Variants in LPA observed in about 807,000 individuals in gnomAD.
The protein encoded by LPA is lipoprotein(a).
A neutral mutation model predicts 197.9 loss-of-function variants in LPA; 199 were observed. The observed-to-expected ratio is 1.01, with a 90% CI of 0.90 to 1.13. The LOEUF (loss-of-function observed/expected upper bound fraction) is 1.13, where lower values mean the gene tolerates loss of function less well. Ranked by LOEUF, LPA falls within the 50% of genes most tolerant of loss-of-function variation. LPA has a pLI of 0.00. For synonymous variants in LPA, 715 were observed against 639.5 expected (o/e 1.12, Z -1.78); for missense variants, 1,853 against 1,785.8 (o/e 1.04, Z -0.68).
intron 30 of LPA, among the ~76,000 whole-genome samples, chr6:160,551,024 A>T (rs1297951847): frequency 6.6e-6 from 1 of 152,194 alleles, no homozygotes; most frequent in Non-Finnish European, 1.5e-5. Context: ...TCGTGGACTT[A>T]TGTTTCCATT....
intron 32 of LPA, among the ~76,000 whole-genome samples, chr6:160,545,865 T>C (rs1054850919): frequency 2.6e-5 from 4 of 152,010 alleles, no homozygotes; most frequent in African/African-American, 9.7e-5. Flanking sequence ...TTGATGAGCT[T>C]TGTCCCTGGG....
chr6:160,647,905 G>T (rs1051679887), intron 2 of LPA, among the ~76,000 whole-genome samples: 1 of 152,168 alleles, frequency 6.6e-6, no homozygotes, highest in Non-Finnish European at 1.5e-5. Context: ...TTTGCCAATT[G>T]CTAGGTTCTT....
chr6:160,566,273 TC>T (rs1465791899), intron 28 of LPA, among the ~76,000 whole-genome samples: 2 of 151,944 alleles, frequency 1.3e-5, no homozygotes, highest in Non-Finnish European at 2.9e-5. Flanking sequence ...GGGAAGCCCA[TC>T]AGACTAACAG....
chr6:160,634,668 G>T (rs1402461324), intron 7 of LPA, among the ~76,000 whole-genome samples: 1 of 151,572 alleles, frequency 6.6e-6, no homozygotes, highest in African/African-American at 2.4e-5. Flanking sequence ...GGACCATATG[G>T]AATTAATGCA....
chr6:160,576,403 T>TATATAC (rs1562328028), intron 28 of LPA, among the ~76,000 whole-genome samples: 2 of 57,552 alleles, frequency 3.5e-5, no homozygotes, highest in African/African-American at 2.2e-4. Context: ...TATATATATA[T>TATATAC]ATATATATAT....
intron 28 of LPA, among the ~76,000 whole-genome samples, chr6:160,576,366 A>ATATATATATATATATATGTATG (rs1491526570): frequency 8.4e-5 from 2 of 23,892 alleles, no homozygotes; most frequent in African/African-American, 1.7e-4. Context: ...ATATATATAT[A>ATATATATATATATATATGTATG]CATATATATA....
intron 1 of LPA, among the ~76,000 whole-genome samples, chr6:160,653,443 C>T (rs1780040655): frequency 6.6e-6 from 1 of 152,052 alleles, no homozygotes; most frequent in Non-Finnish European, 1.5e-5. Context: ...ACACCCCGCT[C>T]AACAACAGAA....
At chr6:160,550,570 G>C (rs1312135375) in intron 30 of LPA, among the ~76,000 whole-genome samples, 1 of 152,188 alleles carries the variant, frequency 6.6e-6, no homozygotes, top group Non-Finnish European at 1.5e-5. Context: ...ACAGATCTTA[G>C]ATGTAGTTTG....
intron 28 of LPA, 44 bp from the exon 29 acceptor site, chr6:160,557,615 A>T (rs761597778): frequency 1.3e-6 from 2 of 1,551,130 alleles, no homozygotes; most frequent in Admixed American, 3.3e-5. Flanking sequence ...GCGGGAAAAA[A>T]TTCAGGGGCA....
At chr6:160,540,769 G>T (rs41266352) in intron 35 of LPA, among the ~76,000 whole-genome samples, 4 of 152,294 alleles carry the variant, frequency 2.6e-5, no homozygotes, top group Non-Finnish European at 5.9e-5. Context: ...AAATTATTCA[G>T]CCTCAGATAT....
intron 22 of LPA, among the ~76,000 whole-genome samples, chr6:160,593,697 G>T (rs1381111837): frequency 6.6e-6 from 1 of 152,118 alleles, no homozygotes; most frequent in East Asian, 1.9e-4. Context: ...TAAGCACGTG[G>T]CCATGTGTCC....
chr6:160,650,288 A>G, intron 2 of LPA, 50 bp downstream of exon 2: 1 of 1,603,170 alleles, frequency 6.2e-7, no homozygotes, highest in Non-Finnish European at 8.5e-7. Flanking sequence ...CTTTTCTAAG[A>G]CAAATTTTAC....
intron 17 of LPA, 118 bp from the exon 18 acceptor site, chr6:160,605,323 G>A (rs1779325013): frequency 5.9e-6 from 7 of 1,191,576 alleles, no homozygotes; most frequent in African/African-American, 3.0e-5. Flanking sequence ...AGGAGAATAT[G>A]ACAAGTAACA....
At chr6:160,588,024 T>A (rs1249428196) in intron 24 of LPA, among the ~76,000 whole-genome samples, 1 of 149,254 alleles carries the variant, frequency 6.7e-6, no homozygotes, top group East Asian at 1.9e-4. Flanking sequence ...GGTCAGCTTT[T>A]GCTGACATTT....
chr6:160,550,981 A>T (rs1778158770), intron 30 of LPA, among the ~76,000 whole-genome samples: 1 of 152,240 alleles, frequency 6.6e-6, no homozygotes, highest in Admixed American at 6.5e-5. Context: ...GTTATAAAAA[A>T]TAAAGCTGCT....
At chr6:160,661,030 G>A (rs1236507609) in intron 1 of LPA, among the ~76,000 whole-genome samples, 1 of 151,570 alleles carries the variant, frequency 6.6e-6, no homozygotes, top group Non-Finnish European at 1.5e-5. Flanking sequence ...TGGCCAAGTG[G>A]GGCTCAGCTG....
At chr6:160,589,128 C>T (rs1009817066) in intron 24 of LPA, among the ~76,000 whole-genome samples, 8 of 152,172 alleles carry the variant, frequency 5.3e-5, no homozygotes, top group Non-Finnish European at 1.2e-4. Flanking sequence ...CGGAAGATCT[C>T]GAAGTCAATA....
intron 28 of LPA, among the ~76,000 whole-genome samples, chr6:160,570,917 G>T (rs1778550955): frequency 6.6e-6 from 1 of 152,140 alleles, no homozygotes; most frequent in Non-Finnish European, 1.5e-5. Context: ...ATGTTGGCCT[G>T]TCTTGCTAGG....
chr6:160,546,768 G>C (rs569503764), intron 32 of LPA, among the ~76,000 whole-genome samples: 1 of 152,150 alleles, frequency 6.6e-6, no homozygotes, highest in Non-Finnish European at 1.5e-5. Flanking sequence ...CCCATATCTG[G>C]TGTGAGAAGT....
Sources: allele counts gnomAD v4.1 joint callset (sites outside exome capture counted in the v4.1 genomes callset), GRCh38; gene constraint gnomAD v4.1.1; transcripts MANE v1.5; gene names NCBI Gene and HGNC (gene_info 2026-07-23, HGNC 2026-07-21).